FOXO3: variants seen among roughly 807,000 people sequenced by gnomAD.
The protein encoded by FOXO3 is forkhead box O3.
FOXO3 carries 4 observed loss-of-function variants against 41.9 expected under a neutral mutation model. The ratio of observed to expected loss-of-function variants is 0.10; its 90% confidence interval spans 0.05 to 0.22. The LOEUF is 0.22. Among genes scored for constraint, FOXO3 ranks in the 10% least tolerant of loss-of-function variants. The pLI is 1.00. For synonymous variants in FOXO3, 318 were observed against 389.3 expected (o/e 0.82, Z 2.16); for missense variants, 534 against 906.8 (o/e 0.59, Z 5.28).
chr6:108,611,275 C>T (rs1250888817), intron 1 of FOXO3, among the ~76,000 whole-genome samples: 1 of 152,110 alleles, frequency 6.6e-6, no homozygotes, highest in Non-Finnish European at 1.5e-5. Flanking sequence ...AGGGGATAGA[C>T]ATTTGGGTTG....
intron 1 of FOXO3, among the ~76,000 whole-genome samples, chr6:108,621,859 T>G (rs1333168419): frequency 6.6e-6 from 1 of 152,128 alleles, no homozygotes; most frequent in Non-Finnish European, 1.5e-5. Context: ...AGCTTGGCCT[T>G]GGGTCTCGTG....
At chr6:108,598,211 T>A (rs1776941801) in intron 1 of FOXO3, among the ~76,000 whole-genome samples, 1 of 152,184 alleles carries the variant, frequency 6.6e-6, no homozygotes, top group Non-Finnish European at 1.5e-5. Flanking sequence ...TGTCCCCTCT[T>A]CCATCTCCCT....
chr6:108,610,125 T>C (rs753443500), intron 1 of FOXO3, among the ~76,000 whole-genome samples: 1 of 152,192 alleles, frequency 6.6e-6, no homozygotes, highest in Non-Finnish European at 1.5e-5. Flanking sequence ...TTACAATGGC[T>C]ATTTAAAATC....
intron 1 of FOXO3, among the ~76,000 whole-genome samples, chr6:108,563,430 G>C (rs1397116536): frequency 6.6e-6 from 1 of 152,248 alleles, no homozygotes; most frequent in African/African-American, 2.4e-5. Flanking sequence ...ATGAAAGTTA[G>C]ACAATTCCAT....
At chr6:108,642,657 AAAT>A (rs1476205221) in intron 1 of FOXO3, among the ~76,000 whole-genome samples, 2 of 152,214 alleles carry the variant, frequency 1.3e-5, no homozygotes, top group Non-Finnish European at 2.9e-5. Context: ...TAAAGACTGA[AAAT>A]AAAAAAAGTT....
chr6:108,656,509 T>C, intron 1 of FOXO3: 1 of 985,360 alleles, frequency 1.0e-6, no homozygotes. Context: ...TGGAACCTTT[T>C]GGCTTAAAGT....
intron 1 of FOXO3, among the ~76,000 whole-genome samples, chr6:108,654,151 G>T (rs562667029): frequency 1.3e-5 from 2 of 152,216 alleles, no homozygotes; most frequent in East Asian, 3.9e-4. Flanking sequence ...GCAGGATGCT[G>T]CAGGGAGTGG....
At chr6:108,587,509 A>G (rs1776612955) in intron 1 of FOXO3, among the ~76,000 whole-genome samples, 1 of 152,158 alleles carries the variant, frequency 6.6e-6, no homozygotes, top group South Asian at 2.1e-4. Flanking sequence ...ATGCAAAAAT[A>G]TATATATGTG....
intron 1 of FOXO3, among the ~76,000 whole-genome samples, chr6:108,655,290 A>C (rs974025835): frequency 3.3e-5 from 5 of 152,188 alleles, no homozygotes; most frequent in African/African-American, 1.2e-4. Context: ...CCTAAAATAA[A>C]ATAAAATTAC....
At position 108,681,805 on chromosome 6, in the gene FOXO3, C is replaced by G. The variant is rs1770866065; in HGVS notation, c.*2013C>G. On this transcript the variant is annotated 3_prime_UTR_variant, in exon 3 of 3. Transcript: ENST00000406360. ...TTCATATGGTCTGCTTGTCAGTGAGCCAGACTTGCTTACTATATTCCTTTA... is the reference window on the plus strand; with the variant it reads ...TTCATATGGTCTGCTTGTCAGTGAGGCAGACTTGCTTACTATATTCCTTTA... 1 of 152,086 alleles carries G rather than the reference C, an allele frequency of 6.6e-6. No homozygotes were observed. Among genetic ancestry groups the G allele is most frequent in the African/African-American group, 2.4e-5 (1 of 41,366 alleles). The allele number at this position is 152,086 out of a possible 1,614,324, so 9.4% of individuals were successfully genotyped here. A position where few individuals can be genotyped will look rare whatever the true frequency, so the allele number is the denominator to read the frequency against.
At chr6:108,613,183 T>C (rs1777409421) in intron 1 of FOXO3, among the ~76,000 whole-genome samples, 2 of 152,228 alleles carry the variant, frequency 1.3e-5, no homozygotes, top group African/African-American at 2.4e-5. Flanking sequence ...TCTGTCTTCA[T>C]GAGGAATATT....
At chr6:108,584,542 A>G (rs909764812) in intron 1 of FOXO3, among the ~76,000 whole-genome samples, 1 of 152,198 alleles carries the variant, frequency 6.6e-6, no homozygotes, top group African/African-American at 2.4e-5. Flanking sequence ...ATGAAAGGAT[A>G]CTGAGTCTGC....
At chr6:108,573,800 G>T (rs1246169668) in intron 1 of FOXO3, among the ~76,000 whole-genome samples, 2 of 152,066 alleles carry the variant, frequency 1.3e-5, no homozygotes, top group Non-Finnish European at 2.9e-5. Context: ...TTTTACTCCA[G>T]CCTGGGGGAC....
intron 1 of FOXO3, among the ~76,000 whole-genome samples, chr6:108,620,849 T>C (rs1353307122): frequency 3.9e-5 from 6 of 152,226 alleles, no homozygotes; most frequent in Admixed American, 3.9e-4. Context: ...CTGGTGTTTT[T>C]ATTGAATAGT....
chr6:108,599,384 A>C (rs1776980529), intron 1 of FOXO3, among the ~76,000 whole-genome samples: 1 of 152,180 alleles, frequency 6.6e-6, no homozygotes, highest in African/African-American at 2.4e-5. Context: ...TTGTGGATTT[A>C]TATTTTGAAT....
At position 108,579,673 on chromosome 6, in the gene FOXO3, T is replaced by TG. The variant is rs1776355378; in HGVS notation, c.621+17849dup. Reference sequence around the variant, plus strand: ...AGCATGGGCCTCTGCTTGCATGTTCTGGGGGCAAGGAGAGAGGGTATCTTG... The same window carrying TG: ...AGCATGGGCCTCTGCTTGCATGTTCTGGGGGGCAAGGAGAGAGGGTATCTTG... On this transcript the variant is annotated intron_variant, in intron 1 of 2. Transcript: ENST00000406360. 2.0e-5 allele frequency among the ~76,000 whole-genome samples: 3 copies of TG among 152,092 alleles called. 1 individual carries two copies. The South Asian group carries it at 6.2e-4, about 32-fold the overall frequency.
intron 1 of FOXO3, among the ~76,000 whole-genome samples, chr6:108,639,223 G>T (rs913689128): frequency 6.6e-6 from 1 of 152,176 alleles, no homozygotes; most frequent in Non-Finnish European, 1.5e-5. Context: ...GAAGAGCACT[G>T]GGTGGGTGAG....
intron 2 of FOXO3, among the ~76,000 whole-genome samples, chr6:108,675,962 A>G (rs1562269561): frequency 1.3e-5 from 2 of 152,130 alleles, no homozygotes; most frequent in East Asian, 3.9e-4. Flanking sequence ...TAGTTTTTGG[A>G]GGCATTTCCC....
At chr6:108,598,597 A>G (rs952791056) in intron 1 of FOXO3, among the ~76,000 whole-genome samples, 1 of 152,222 alleles carries the variant, frequency 6.6e-6, no homozygotes, top group Non-Finnish European at 1.5e-5. Flanking sequence ...GTCAGAAACA[A>G]AATTTTAAAA....
Sources: allele counts gnomAD v4.1 joint callset (sites outside exome capture counted in the v4.1 genomes callset), GRCh38; gene constraint gnomAD v4.1.1; transcripts MANE v1.5; gene names NCBI Gene and HGNC (gene_info 2026-07-23, HGNC 2026-07-21).